Variants in SPATA6L observed in about 807,000 individuals in gnomAD.
The protein encoded by SPATA6L is spermatogenesis associated 6-like protein.
SPATA6L carries 68 observed loss-of-function variants against 49.2 expected under a neutral mutation model. The ratio of observed to expected loss-of-function variants is 1.38; its 90% confidence interval spans 1.14 to 1.69. The LOEUF (loss-of-function observed/expected upper bound fraction) is 1.69, where lower values mean the gene tolerates loss of function less well. Ranked by LOEUF, SPATA6L falls within the 40% of genes most tolerant of loss-of-function variation. The pLI, the probability that SPATA6L is intolerant of heterozygous loss-of-function variation, is 0.00. For missense variants in SPATA6L, 668 were observed against 464.3 expected (o/e 1.44, Z -4.03); for synonymous variants, 198 against 165.7 (o/e 1.19, Z -1.50).
At chr9:4,639,575 C>A (rs1360725126) in intron 3 of SPATA6L, among the ~76,000 whole-genome samples, 1 of 152,144 alleles carries the variant, frequency 6.6e-6, no homozygotes, top group Non-Finnish European at 1.5e-5. Context: ...CGTCAGCACA[C>A]TAAGAGGATG....
chr9:4,618,709 T>A (rs192045925), intron 8 of SPATA6L, among the ~76,000 whole-genome samples, 155 bp downstream of exon 8: 22 of 152,324 alleles, frequency 1.4e-4, no homozygotes, highest in Admixed American at 1.4e-3. Context: ...AAGTATAACA[T>A]GGAGTCTGGG....
intron 9 of SPATA6L, among the ~76,000 whole-genome samples, chr9:4,615,023 C>A (rs995836740): frequency 6.6e-6 from 1 of 152,158 alleles, no homozygotes; most frequent in East Asian, 1.9e-4. Context: ...TGAGTCCTGG[C>A]ACTGACTTTC....
intron 10 of SPATA6L, 49 bp downstream of exon 10, chr9:4,605,298 T>C: frequency 7.0e-7 from 1 of 1,423,252 alleles, no homozygotes; most frequent in Non-Finnish European, 9.9e-7. Context: ...AGGTCCCTGT[T>C]CACATATTAT....
At chr9:4,639,792 T>C (rs181856587) in intron 3 of SPATA6L, among the ~76,000 whole-genome samples, 1 of 152,188 alleles carries the variant, frequency 6.6e-6, no homozygotes, top group Non-Finnish European at 1.5e-5. Flanking sequence ...AATAACAACA[T>C]TGGCTGAAGG....
intron 5 of SPATA6L, 34 bp from the exon 6 acceptor site, chr9:4,625,600 TAAAG>T (rs759853261): frequency 3.1e-5 from 44 of 1,410,418 alleles, no homozygotes; most frequent in Non-Finnish European, 3.9e-5. Flanking sequence ...TTTTTTAAAA[TAAAG>T]AAAGAAAAGA....
intron 3 of SPATA6L, among the ~76,000 whole-genome samples, chr9:4,643,101 G>C (rs569647881): frequency 1.3e-5 from 2 of 152,180 alleles, no homozygotes; most frequent in Admixed American, 1.3e-4. Flanking sequence ...TCTGCCTCCC[G>C]GGTTCAAGCA....
chr9:4,623,661 C>T (rs564497414), intron 6 of SPATA6L, among the ~76,000 whole-genome samples: 1 of 152,140 alleles, frequency 6.6e-6, no homozygotes, highest in South Asian at 2.1e-4. Flanking sequence ...TGATAAAAGA[C>T]TTTGGCACAT....
intron 9 of SPATA6L, among the ~76,000 whole-genome samples, chr9:4,615,534 C>G (rs766946838): frequency 6.6e-6 from 1 of 152,156 alleles, no homozygotes; most frequent in Non-Finnish European, 1.5e-5. Context: ...GAAAGGCTGG[C>G]TGAATGAATG....
intron 13 of SPATA6L, among the ~76,000 whole-genome samples, chr9:4,590,956 G>A (rs1016319560): frequency 2.6e-5 from 4 of 152,056 alleles, no homozygotes; most frequent in Non-Finnish European, 5.9e-5. Context: ...CTTTCGCTTC[G>A]GGGCACTTGA....
chr9:4,625,760 T>C (rs1830233230), intron 5 of SPATA6L, 194 bp from the exon 6 acceptor site: 2 of 408,324 alleles, frequency 4.9e-6, no homozygotes, highest in Admixed American at 4.1e-5. Flanking sequence ...CAGTAGTATT[T>C]ATAACTTGCT....
chr9:4,589,795 G>C (rs1212664761), intron 13 of SPATA6L, among the ~76,000 whole-genome samples: 1 of 152,102 alleles, frequency 6.6e-6, no homozygotes, highest in Admixed American at 6.5e-5. Context: ...TGGAAGCAGG[G>C]CCCCCCGTGG....
chr9:4,607,028 G>A (rs1447097007), intron 9 of SPATA6L, among the ~76,000 whole-genome samples: 9 of 150,482 alleles, frequency 6.0e-5, no homozygotes, highest in African/African-American at 2.2e-4. Context: ...GCAATCAACT[G>A]GAAGAAAGGG....
chr9:4,663,653 T>C (rs1299457071), intron 1 of SPATA6L: 2 of 202,924 alleles, frequency 9.9e-6, no homozygotes, highest in Non-Finnish European at 2.2e-5. Flanking sequence ...GAAAGAAACA[T>C]GATGTTCATT....
At chr9:4,601,029 A>G (rs759910151) in intron 11 of SPATA6L, among the ~76,000 whole-genome samples, 4 of 152,246 alleles carry the variant, frequency 2.6e-5, no homozygotes, top group Non-Finnish European at 5.9e-5. Context: ...CGTCTTTGTA[A>G]AATATCAGGA....
At chr9:4,649,529 T>C (rs893711541) in intron 3 of SPATA6L, among the ~76,000 whole-genome samples, 8 of 152,194 alleles carry the variant, frequency 5.3e-5, no homozygotes, top group African/African-American at 1.7e-4. Context: ...GAGGAAACTA[T>C]AGTAATGTGG....
intron 4 of SPATA6L, among the ~76,000 whole-genome samples, chr9:4,633,922 T>C (rs1032234009): frequency 2.6e-5 from 4 of 152,250 alleles, no homozygotes; most frequent in African/African-American, 7.2e-5. Context: ...TTAAGTTAAT[T>C]GTAAGAATAC....
In SPATA6L at chr9:4,625,366, T is replaced by A. The variant is rs1363496477; in HGVS notation, c.630A>T (p.Lys210Asn). 6.2e-7 allele frequency: 1 copy of A among 1,614,058 alleles called. No homozygotes were observed. The highest frequency in any genetic ancestry group is 1.1e-5 in the South Asian group (1 of 91,036). Residue 210 changes from lysine (K) to asparagine (N), a missense_variant, in exon 6 of 12, where the codon AAA (lysine) becomes AAT (asparagine). Physicochemically the swap from Lys to Asn is moderately conservative, Grantham distance 94. Transcript: ENST00000682582. ...PAQLNLGNNFKISGGSKPPFV... is the reference protein window; with the variant it reads ...PAQLNLGNNFNISGGSKPPFV... ...ATGGAGGCTTGCTTCCTCCAGAGAT[T>A]TTGAAATTATTTCCAAGGTTCAACT...
intron 9 of SPATA6L, among the ~76,000 whole-genome samples, chr9:4,610,953 A>T (rs1252512407): frequency 1.4e-5 from 2 of 147,998 alleles, no homozygotes; most frequent in Non-Finnish European, 3.0e-5. Context: ...ATTTACAAGA[A>T]AAAAACAAAC....
chr9:4,589,913 G>T (rs1401168902), intron 13 of SPATA6L, among the ~76,000 whole-genome samples: 1 of 152,000 alleles, frequency 6.6e-6, no homozygotes, highest in Admixed American at 6.6e-5. Flanking sequence ...TGTTAAATTA[G>T]CTTTGGGAAC....
Sources: gnomAD v4.1 joint callset for allele counts (sites outside exome capture counted in the v4.1 genomes callset) on GRCh38, gnomAD v4.1.1 for gene constraint, MANE v1.5 for transcripts, NCBI Gene and HGNC (gene_info 2026-07-23, HGNC 2026-07-21) for gene names.